The following ARHGAP18 variants were observed in gnomAD, a reference collection of about 807,000 sequenced individuals.
The protein encoded by ARHGAP18 is rho GTPase-activating protein 18.
Under a neutral mutation model 86.2 loss-of-function variants are expected in ARHGAP18, and 67 were observed. The ratio of observed to expected loss-of-function variants is 0.78; its 90% CI spans 0.64 to 0.95. ARHGAP18 has a LOEUF of 0.95. Among genes scored for constraint, ARHGAP18 ranks in the 40% least tolerant of loss-of-function variants. ARHGAP18 has a pLI of 0.00. For missense variants in ARHGAP18, 691 were observed against 780.4 expected (o/e 0.89, Z 1.37); for synonymous variants, 283 against 280.4 (o/e 1.01, Z -0.09).
At chr6:129,613,030 G>C (rs1239710997) in intron 7 of ARHGAP18, among the ~76,000 whole-genome samples, 1 of 151,880 alleles carries the variant, frequency 6.6e-6, no homozygotes, top group Non-Finnish European at 1.5e-5. Context: ...TCAGGAGATC[G>C]AGACCATCCT....
intron 12 of ARHGAP18, among the ~76,000 whole-genome samples, chr6:129,584,699 A>T (rs1252202372): frequency 1.3e-5 from 2 of 152,216 alleles, no homozygotes; most frequent in Non-Finnish European, 2.9e-5. Context: ...GGATTCGAGG[A>T]TACCAGTGAA....
At chr6:129,643,573 G>A (rs1051307413) in intron 1 of ARHGAP18, among the ~76,000 whole-genome samples, 8 of 152,140 alleles carry the variant, frequency 5.3e-5, no homozygotes, top group Admixed American at 2.6e-4. Context: ...AGCAGCGTGA[G>A]AATGGACTAA....
intron 5 of ARHGAP18, among the ~76,000 whole-genome samples, chr6:129,625,922 A>ATT (rs1789446755): frequency 1.1e-4 from 3 of 28,370 alleles, no homozygotes; most frequent in Non-Finnish European, 1.8e-4. Context: ...TATATTATAG[A>ATT]TATTTATATA....
At chr6:129,589,194 C>T (rs989346570) in intron 12 of ARHGAP18, among the ~76,000 whole-genome samples, 2 of 152,198 alleles carry the variant, frequency 1.3e-5, no homozygotes, top group Non-Finnish European at 2.9e-5. Flanking sequence ...AACTTCTTCC[C>T]AGAAAATGGG....
intron 1 of ARHGAP18, among the ~76,000 whole-genome samples, chr6:129,691,797 G>T (rs919108929): frequency 5.9e-5 from 9 of 152,120 alleles, no homozygotes; most frequent in African/African-American, 2.2e-4. Context: ...GTTCCCAAAA[G>T]GCTTCTGAGG....
At chr6:129,612,391 A>T (rs923783309) in intron 7 of ARHGAP18, among the ~76,000 whole-genome samples, 5 of 152,220 alleles carry the variant, frequency 3.3e-5, no homozygotes, top group Admixed American at 3.3e-4. Flanking sequence ...CTCAGTTTGA[A>T]TATAAGGCAT....
chr6:129,589,146 G>T (rs1442314876), intron 12 of ARHGAP18, among the ~76,000 whole-genome samples: 1 of 152,166 alleles, frequency 6.6e-6, no homozygotes, highest in East Asian at 1.9e-4. Context: ...TTAACATTTA[G>T]CTCCTTGTTA....
chr6:129,611,343 A>G (rs1259990045), intron 8 of ARHGAP18, among the ~76,000 whole-genome samples, 190 bp downstream of exon 8: 12 of 152,238 alleles, frequency 7.9e-5, no homozygotes, highest in Non-Finnish European at 1.3e-4. Context: ...AAACAAAACA[A>G]AACAAAAAAC....
chr6:129,583,833 T>A (rs1442100871), intron 13 of ARHGAP18, among the ~76,000 whole-genome samples, 155 bp downstream of exon 13: 2 of 151,412 alleles, frequency 1.3e-5, no homozygotes, highest in Non-Finnish European at 2.9e-5. Flanking sequence ...AGTCTGCTGT[T>A]CTCTTCTGCT....
intron 1 of ARHGAP18, among the ~76,000 whole-genome samples, chr6:129,690,232 A>ACATG (rs1774502570): frequency 6.6e-6 from 1 of 152,220 alleles, no homozygotes; most frequent in African/African-American, 2.4e-5. Context: ...ATCTTCACAT[A>ACATG]CATGCAGTGC....
chr6:129,601,727 A>G (rs899369102), intron 10 of ARHGAP18, among the ~76,000 whole-genome samples: 2 of 151,724 alleles, frequency 1.3e-5, no homozygotes, highest in Admixed American at 1.3e-4. Flanking sequence ...CCTCGGCTCA[A>G]GTGATCCTCC....
At chr6:129,588,779 T>C (rs754710059) in intron 12 of ARHGAP18, among the ~76,000 whole-genome samples, 8 of 152,214 alleles carry the variant, frequency 5.3e-5, no homozygotes, top group Non-Finnish European at 1.0e-4. Context: ...TGCAGCAAAT[T>C]TTGCCTGGAC....
rs138572524 is a variant in ARHGAP18, at chr6:129,626,441, T to A, written c.786+2912A>T. On this transcript the variant is annotated intron_variant, in intron 5 of 14. Transcript: ENST00000368149. ...AAGCTAGATTTTTAATACACTTTGT[T>A]TTTCGACTTTACTATTGGACTATAT... Among the ~76,000 whole-genome samples, 547 of 152,102 alleles carry A rather than the reference T, an allele frequency of 3.6e-3. 3 individuals are homozygous for A. The highest frequency in any genetic ancestry group is 0.012 in the African/African-American group (511 of 41,494).
intron 10 of ARHGAP18, among the ~76,000 whole-genome samples, chr6:129,602,432 G>T (rs990420197): frequency 2.6e-5 from 4 of 151,768 alleles, no homozygotes; most frequent in African/African-American, 7.3e-5. Flanking sequence ...CCCTAAAAAG[G>T]CCAAATATAC....
At chr6:129,597,458 C>G (rs1206383351) in intron 12 of ARHGAP18, among the ~76,000 whole-genome samples, 3 of 152,122 alleles carry the variant, frequency 2.0e-5, no homozygotes, top group Non-Finnish European at 4.4e-5. Flanking sequence ...CTAGTGACAC[C>G]TGAACAACAC....
intron 6 of ARHGAP18, among the ~76,000 whole-genome samples, chr6:129,618,041 A>G (rs1484567316): frequency 2.0e-5 from 3 of 150,856 alleles, no homozygotes; most frequent in Non-Finnish European, 4.4e-5. Flanking sequence ...CTGAAGAGGT[A>G]TCTGTTCTCT....
chr6:129,683,984 G>A (rs1040741768), intron 1 of ARHGAP18, among the ~76,000 whole-genome samples: 2 of 152,200 alleles, frequency 1.3e-5, no homozygotes, highest in Admixed American at 6.5e-5. Flanking sequence ...CTGACAGCGC[G>A]AGATGATTGA....
chr6:129,704,649 T>C (rs1383190702), intron 1 of ARHGAP18, among the ~76,000 whole-genome samples: 1 of 152,120 alleles, frequency 6.6e-6, no homozygotes. Context: ...ATTCCACTGC[T>C]CACCCCGTTC....
At chr6:129,646,479 G>A (rs1404641879) in intron 1 of ARHGAP18, among the ~76,000 whole-genome samples, 1 of 152,080 alleles carries the variant, frequency 6.6e-6, no homozygotes, top group Non-Finnish European at 1.5e-5. Context: ...ACTTAAGATT[G>A]TTCTAAGACC....
Sources: gnomAD v4.1 joint callset for allele counts (sites outside exome capture counted in the v4.1 genomes callset) on GRCh38, gnomAD v4.1.1 for gene constraint, MANE v1.5 for transcripts, NCBI Gene and HGNC (gene_info 2026-07-23, HGNC 2026-07-21) for gene names.